SLC44A5: variants seen among roughly 807,000 people sequenced by gnomAD.
SLC44A5 encodes the protein solute carrier family 44 member 5.
Under a neutral mutation model 101.8 loss-of-function variants are expected in SLC44A5, and 57 were observed. The ratio of observed to expected loss-of-function variants is 0.56; its 90% CI spans 0.45 to 0.70. SLC44A5 has a LOEUF of 0.70. Ranked by LOEUF, SLC44A5 falls within the 30% of genes least tolerant of loss-of-function variation. The probability of loss-of-function intolerance (pLI) is 0.00; values close to 1 mark genes in which losing one functional copy is unlikely to be tolerated. For synonymous variants in SLC44A5, 281 were observed against 290.9 expected (o/e 0.97, Z 0.35); for missense variants, 737 against 853.1 (o/e 0.86, Z 1.70).
intron 2 of SLC44A5, among the ~76,000 whole-genome samples, chr1:75,445,671 C>T (rs1324032610): frequency 1.4e-5 from 2 of 146,420 alleles, no homozygotes; most frequent in Non-Finnish European, 3.0e-5. Flanking sequence ...TGTGTGAGCT[C>T]ACCTACTCCC....
chr1:75,678,122 G>T, the SLC44A5 span, among the ~76,000 whole-genome samples: 1 of 152,150 alleles, frequency 6.6e-6, no homozygotes, highest in Non-Finnish European at 1.5e-5. Context: ...ACCCCACGGA[G>T]TCTCACTGAT....
At chr1:75,587,196 T>A (rs896769338) in intron 1 of SLC44A5, among the ~76,000 whole-genome samples, 3 of 151,904 alleles carry the variant, frequency 2.0e-5, no homozygotes, top group Non-Finnish European at 4.4e-5. Context: ...GTGTCTAGGT[T>A]GGGAAATTCA....
chr1:75,327,516 A>G (rs1656692660), intron 4 of SLC44A5, among the ~76,000 whole-genome samples: 2 of 152,272 alleles, frequency 1.3e-5, no homozygotes, highest in East Asian at 1.9e-4. Flanking sequence ...TCTAGACACT[A>G]TATAGGAAAT....
At chr1:75,477,561 G>C (rs1433041452) in intron 2 of SLC44A5, among the ~76,000 whole-genome samples, 2 of 152,164 alleles carry the variant, frequency 1.3e-5, no homozygotes, top group African/African-American at 4.8e-5. Context: ...GCTTAAAGGA[G>C]CTGATGGAGC....
intron 2 of SLC44A5, among the ~76,000 whole-genome samples, chr1:75,478,203 G>C (rs1667561486): frequency 6.6e-6 from 1 of 151,926 alleles, no homozygotes; most frequent in African/African-American, 2.4e-5. Flanking sequence ...AGCAAATGCT[G>C]AGAGATTTTG....
At chr1:75,596,065 A>G (rs1169998518) in intron 1 of SLC44A5, among the ~76,000 whole-genome samples, 2 of 152,150 alleles carry the variant, frequency 1.3e-5, no homozygotes, top group Non-Finnish European at 2.9e-5. Context: ...TCTAATAACC[A>G]ATTGGTACAA....
Position 75,322,656 on chromosome 1 carries a change from C to T in SLC44A5, c.101+16926G>A, listed in dbSNP as rs189148486. ...CTCAACTTCCATTATCCTTTTCCTC[C>T]ACCCATGGGATAGATACGGATTTCC... On this transcript the variant is annotated intron_variant, in intron 4 of 23. Transcript: ENST00000370859. Among the ~76,000 whole-genome samples, 270 of 152,272 alleles carry T rather than the reference C, an allele frequency of 1.8e-3. 1 individual carries two copies. Among genetic ancestry groups the T allele is most frequent in the African/African-American group, 6.3e-3 (262 of 41,564 alleles).
At chr1:75,636,974 T>A in the SLC44A5 span, among the ~76,000 whole-genome samples, 1 of 152,064 alleles carries the variant, frequency 6.6e-6, no homozygotes, top group Non-Finnish European at 1.5e-5. Flanking sequence ...ATTATAAAGA[T>A]ATTCATCAAA....
chr1:75,357,926 G>T (rs1188881100), intron 3 of SLC44A5, among the ~76,000 whole-genome samples: 3 of 151,992 alleles, frequency 2.0e-5, no homozygotes, highest in African/African-American at 7.2e-5. Context: ...AGAAATGTTA[G>T]AAAACAACTT....
chr1:75,413,078 G>C (rs548700587), intron 2 of SLC44A5, among the ~76,000 whole-genome samples: 16 of 152,282 alleles, frequency 1.1e-4, no homozygotes, highest in Admixed American at 3.3e-4. Context: ...TTTTGAGGAA[G>C]AGAGGCCATA....
At chr1:75,591,503 G>A (rs1484273255) in intron 1 of SLC44A5, among the ~76,000 whole-genome samples, 1 of 152,006 alleles carries the variant, frequency 6.6e-6, no homozygotes, top group Non-Finnish European at 1.5e-5. Flanking sequence ...CAGGGATATT[G>A]TTCTGTAGTT....
At chr1:75,392,168 G>T (rs1570117238) in intron 3 of SLC44A5, among the ~76,000 whole-genome samples, 1 of 151,910 alleles carries the variant, frequency 6.6e-6, no homozygotes, top group Non-Finnish European at 1.5e-5. Flanking sequence ...AAATTGACAA[G>T]TGGGACCTAA....
intron 3 of SLC44A5, among the ~76,000 whole-genome samples, chr1:75,386,939 G>A (rs1330887885): frequency 2.0e-5 from 3 of 151,886 alleles, no homozygotes; most frequent in Admixed American, 2.0e-4. Context: ...TGACAAACCT[G>A]AAAAAAACAA....
intron 1 of SLC44A5, among the ~76,000 whole-genome samples, chr1:75,603,190 G>A (rs1465278940): frequency 1.3e-5 from 2 of 151,908 alleles, no homozygotes; most frequent in African/African-American, 4.8e-5. Flanking sequence ...ATGTCTATTA[G>A]TACCTGTTGT....
chr1:75,550,885 T>C (rs1056388412), intron 1 of SLC44A5, among the ~76,000 whole-genome samples: 1 of 152,170 alleles, frequency 6.6e-6, no homozygotes, highest in African/African-American at 2.4e-5. Context: ...TAGGATATCC[T>C]ATGCTAAGAC....
chr1:75,671,038 C>A, the SLC44A5 span, among the ~76,000 whole-genome samples: 2,846 of 152,148 alleles, frequency 0.019, 38 homozygotes, highest in Middle Eastern at 0.045. Context: ...GAGACAAAGG[C>A]GTAAGGAGAA....
In SLC44A5 at chr1:75,203,685, A is replaced by G. The variant is rs1040352585; in HGVS notation, c.*42T>C. 6.6e-7 allele frequency: 1 copy of G among 1,523,390 alleles called. No individual in the cohort carries two copies. Among genetic ancestry groups the G allele is most frequent in the Middle Eastern group, 1.7e-4 (1 of 5,830 alleles). 94.4% of individuals were successfully genotyped at this position (1,523,390 alleles called of 1,614,324 possible). A position where few individuals can be genotyped will look rare whatever the true frequency, so the allele number is the denominator to read the frequency against. On this transcript the variant is annotated 3_prime_UTR_variant, in exon 24 of 24. Coordinates refer to ENST00000370859, the MANE Select transcript of SLC44A5 (RefSeq NM_001130058.2). ...AATGTTGCACAGACACAGCAGATGG[A>G]GAAAAGGTAACACACAGCTGTAGGA...
intron 2 of SLC44A5, among the ~76,000 whole-genome samples, chr1:75,527,145 A>G (rs1323084020): frequency 2.7e-5 from 4 of 145,910 alleles, no homozygotes; most frequent in Non-Finnish European, 4.6e-5. Flanking sequence ...AAAAAAAAAG[A>G]AAAAAAAAAG....
At chr1:75,322,537 AG>A (rs775147123) in intron 4 of SLC44A5, among the ~76,000 whole-genome samples, 2 of 152,166 alleles carry the variant, frequency 1.3e-5, no homozygotes, top group Non-Finnish European at 2.9e-5. Flanking sequence ...TCAGTAATTT[AG>A]GAGACATTCT....
Sources: gnomAD v4.1 joint callset for allele counts (sites outside exome capture counted in the v4.1 genomes callset) on GRCh38, gnomAD v4.1.1 for gene constraint, MANE v1.5 for transcripts, NCBI Gene and HGNC (gene_info 2026-07-23, HGNC 2026-07-21) for gene names.